CHST8: variants seen among roughly 807,000 people sequenced by gnomAD.
The protein encoded by CHST8 is GALNAC-4-ST1.
In CHST8, 10 loss-of-function variants were observed where a neutral mutation model predicts 15.0. The observed-to-expected ratio is 0.67, with a 90% CI of 0.41 to 1.13. CHST8 has a LOEUF of 1.13. CHST8 is among the 50% of genes most tolerant of loss of function. The pLI is 0.00. For missense variants in CHST8, 634 were observed against 608.2 expected (o/e 1.04, Z -0.45); for synonymous variants, 259 against 256.6 (o/e 1.01, Z -0.09).
chr19:33,638,601 A>G (rs746053584), intron 1 of CHST8, among the ~76,000 whole-genome samples: 22 of 152,230 alleles, frequency 1.4e-4, no homozygotes, highest in African/African-American at 4.8e-5. Flanking sequence ...CTGAGTTGTC[A>G]TGAAAAGCCA....
intron 1 of CHST8, among the ~76,000 whole-genome samples, chr19:33,641,036 C>T (rs1181546769): frequency 6.6e-6 from 1 of 152,192 alleles, no homozygotes; most frequent in East Asian, 1.9e-4. Context: ...TTGGGACTGC[C>T]CTGAAGGTCC....
At chr19:33,639,759 T>C (rs1972254384) in intron 1 of CHST8, among the ~76,000 whole-genome samples, 1 of 152,066 alleles carries the variant, frequency 6.6e-6, no homozygotes, top group Non-Finnish European at 1.5e-5. Flanking sequence ...TTGGGGTCTT[T>C]TCAACATCTT....
At chr19:33,636,216 C>T (rs1449373216) in intron 1 of CHST8, among the ~76,000 whole-genome samples, 3 of 152,006 alleles carry the variant, frequency 2.0e-5, no homozygotes, top group East Asian at 1.9e-4. Context: ...ACCTGTGCAT[C>T]GCGCCAATTT....
chr19:33,622,541 C>T (rs868007893), intron 1 of CHST8, among the ~76,000 whole-genome samples: 1 of 152,204 alleles, frequency 6.6e-6, no homozygotes, highest in Non-Finnish European at 1.5e-5. Context: ...TTGGATCTCA[C>T]TCGCTGCCGC....
chr19:33,624,995 C>T (rs914750551), intron 1 of CHST8, among the ~76,000 whole-genome samples: 2 of 152,174 alleles, frequency 1.3e-5, no homozygotes, highest in Admixed American at 1.3e-4. Flanking sequence ...CCCTGATTTA[C>T]TGGTGCGTGG....
intron 3 of CHST8, among the ~76,000 whole-genome samples, chr19:33,763,873 G>GAGAGGAGCC (rs1974782362): frequency 6.6e-6 from 1 of 152,074 alleles, no homozygotes; most frequent in East Asian, 1.9e-4. Context: ...GAGCCGGTGG[G>GAGAGGAGCC]AGAGGAGCCA....
intron 3 of CHST8, among the ~76,000 whole-genome samples, chr19:33,761,702 G>C (rs1974732907): frequency 6.6e-6 from 1 of 151,924 alleles, no homozygotes; most frequent in South Asian, 2.1e-4. Flanking sequence ...GCTGGGCTTG[G>C]TGGTGCACAC....
chr19:33,707,574 G>T (rs1431599169), intron 3 of CHST8, among the ~76,000 whole-genome samples: 2 of 152,044 alleles, frequency 1.3e-5, no homozygotes, highest in South Asian at 2.1e-4. Context: ...CATATTTTTT[G>T]ATATTTACTC....
intron 3 of CHST8, among the ~76,000 whole-genome samples, chr19:33,718,240 A>C (rs1016385470): frequency 6.7e-6 from 1 of 148,624 alleles, no homozygotes; most frequent in African/African-American, 2.5e-5. Context: ...TTTTTTTTAA[A>C]CAGACTCTTG....
At chr19:33,748,256 A>G (rs1298118762) in intron 3 of CHST8, among the ~76,000 whole-genome samples, 1 of 152,198 alleles carries the variant, frequency 6.6e-6, no homozygotes, top group Non-Finnish European at 1.5e-5. Flanking sequence ...GACCCTCCAC[A>G]TCCCCCATTA....
intron 3 of CHST8, among the ~76,000 whole-genome samples, chr19:33,766,096 CAT>C (rs1974835503): frequency 6.6e-6 from 1 of 152,052 alleles, no homozygotes; most frequent in African/African-American, 2.4e-5. Flanking sequence ...CCCAGAATCA[CAT>C]GAGCCAGTTT....
intron 2 of CHST8, among the ~76,000 whole-genome samples, chr19:33,678,631 C>T (rs534847508): frequency 3.3e-5 from 5 of 152,224 alleles, no homozygotes; most frequent in African/African-American, 1.2e-4. Flanking sequence ...CCCAGCTACT[C>T]AAGAGTCTGA....
chr19:33,640,298 A>G (rs191628806), intron 1 of CHST8, among the ~76,000 whole-genome samples: 28 of 152,306 alleles, frequency 1.8e-4, no homozygotes, highest in African/African-American at 6.5e-4. Flanking sequence ...AATTATAACT[A>G]TATTTCTGTC....
chr19:33,663,844 T>C (rs930730066), intron 1 of CHST8, among the ~76,000 whole-genome samples: 7 of 152,134 alleles, frequency 4.6e-5, no homozygotes, highest in Non-Finnish European at 8.8e-5. Context: ...CACTCCAGCC[T>C]GGGTGAGAGA....
intron 3 of CHST8, among the ~76,000 whole-genome samples, chr19:33,746,762 A>G (rs1296047703): frequency 6.6e-6 from 1 of 152,074 alleles, no homozygotes; most frequent in Non-Finnish European, 1.5e-5. Flanking sequence ...ACTCCATTCC[A>G]GCGTCACCTA....
At chr19:33,769,160 C>T (rs539343892) in intron 3 of CHST8, among the ~76,000 whole-genome samples, 81 of 152,336 alleles carry the variant, frequency 5.3e-4, no homozygotes, top group South Asian at 1.0e-3. Flanking sequence ...GCCCACTGCC[C>T]TCCGAGGCTG....
At chr19:33,623,326 C>T (rs1271578718) in intron 1 of CHST8, among the ~76,000 whole-genome samples, 3 of 152,186 alleles carry the variant, frequency 2.0e-5, no homozygotes, top group African/African-American at 7.2e-5. Flanking sequence ...GACTCTGCGT[C>T]CCTGGGCCAC....
At chr19:33,717,402 A>C (rs1404120619) in intron 3 of CHST8, among the ~76,000 whole-genome samples, 1 of 151,608 alleles carries the variant, frequency 6.6e-6, no homozygotes, top group African/African-American at 2.4e-5. Context: ...CAGAGGTTGC[A>C]GTGAGCCGAG....
At chr19:33,640,537 C>T (rs571529464) in intron 1 of CHST8, among the ~76,000 whole-genome samples, 6 of 152,324 alleles carry the variant, frequency 3.9e-5, no homozygotes, top group African/African-American at 1.4e-4. Flanking sequence ...TTAATTTCTC[C>T]TGCTTTGTCA....
Sources: allele counts gnomAD v4.1 joint callset (sites outside exome capture counted in the v4.1 genomes callset), GRCh38; gene constraint gnomAD v4.1.1; transcripts MANE v1.5; gene names NCBI Gene and HGNC (gene_info 2026-07-23, HGNC 2026-07-21).